Variants in PDGFD observed in about 807,000 individuals in gnomAD.
PDGFD encodes the protein platelet-derived growth factor D.
In PDGFD, 30 loss-of-function variants were observed where a neutral mutation model predicts 44.7. The observed-to-expected ratio is 0.67, with a 90% CI of 0.50 to 0.91. The LOEUF (loss-of-function observed/expected upper bound fraction) is 0.91, where lower values mean the gene tolerates loss of function less well. Among genes scored for constraint, PDGFD ranks in the 40% least tolerant of loss-of-function variants. The pLI is 0.00. For missense variants in PDGFD, 445 were observed against 457.8 expected (o/e 0.97, Z 0.25); for synonymous variants, 173 against 168.4 (o/e 1.03, Z -0.21).
At chr11:104,148,946 T>C (rs888725229) in intron 1 of PDGFD, among the ~76,000 whole-genome samples, 3 of 152,194 alleles carry the variant, frequency 2.0e-5, no homozygotes, top group Non-Finnish European at 4.4e-5. Flanking sequence ...CTCCATAGCA[T>C]TCCATGGTGT....
intron 1 of PDGFD, among the ~76,000 whole-genome samples, chr11:104,070,646 A>T (rs546461563): frequency 1.3e-5 from 2 of 152,160 alleles, no homozygotes; most frequent in Non-Finnish European, 2.9e-5. Flanking sequence ...AATATGACAG[A>T]TACTCTTTTG....
At chr11:104,012,581 T>C (rs1859799754) in intron 1 of PDGFD, among the ~76,000 whole-genome samples, 1 of 152,222 alleles carries the variant, frequency 6.6e-6, no homozygotes, top group Non-Finnish European at 1.5e-5. Context: ...CTAACAAATC[T>C]CTTCAAATAT....
chr11:104,112,284 T>C (rs73614574), intron 1 of PDGFD, among the ~76,000 whole-genome samples: 2,712 of 152,252 alleles, frequency 0.018, 63 homozygotes, highest in African/African-American at 0.061. Flanking sequence ...TAATGATCAG[T>C]AATGTTGAGC....
At chr11:104,057,446 C>A (rs1433906845) in intron 1 of PDGFD, among the ~76,000 whole-genome samples, 2 of 151,814 alleles carry the variant, frequency 1.3e-5, no homozygotes, top group Non-Finnish European at 2.9e-5. Flanking sequence ...ATACCACATG[C>A]CCTCACTTAG....
At chr11:104,068,934 C>G (rs976167078) in intron 1 of PDGFD, among the ~76,000 whole-genome samples, 1 of 152,068 alleles carries the variant, frequency 6.6e-6, no homozygotes, top group Non-Finnish European at 1.5e-5. Flanking sequence ...TTTCTAAAAG[C>G]AAGCAATTCT....
intron 1 of PDGFD, among the ~76,000 whole-genome samples, chr11:104,043,289 C>T (rs1046434624): frequency 1.3e-5 from 2 of 152,152 alleles, no homozygotes; most frequent in Admixed American, 6.5e-5. Context: ...GATTTCTTCA[C>T]GCAGCCACCA....
intron 1 of PDGFD, among the ~76,000 whole-genome samples, chr11:104,039,600 A>G (rs2134398046): frequency 6.6e-6 from 1 of 152,220 alleles, no homozygotes; most frequent in African/African-American, 2.4e-5. Flanking sequence ...AAAGTTTTAT[A>G]CCCAGTAGAA....
chr11:104,049,253 A>G (rs1860488744), intron 1 of PDGFD, among the ~76,000 whole-genome samples: 1 of 152,186 alleles, frequency 6.6e-6, no homozygotes, highest in Non-Finnish European at 1.5e-5. Context: ...TCTGTGAGGA[A>G]GAGATATTTG....
chr11:104,070,307 A>G (rs2134420595), intron 1 of PDGFD, among the ~76,000 whole-genome samples: 1 of 152,292 alleles, frequency 6.6e-6, no homozygotes, highest in East Asian at 1.9e-4. Flanking sequence ...CTAGCTATCT[A>G]TATTTCAACG....
At position 104,103,903 on chromosome 11, in the gene PDGFD, G is replaced by T. The variant is rs369245256; in HGVS notation, c.124+59901C>A. On this transcript the variant is annotated intron_variant, in intron 1 of 6. Coordinates refer to ENST00000393158, the MANE Select transcript of PDGFD (RefSeq NM_025208.5). Reference sequence around the variant, plus strand: ...TCCTTCTACTTATATTTTTTTTAAAGTTAACTGTAAAACAGCCTTAGGCAG... The same window carrying T: ...TCCTTCTACTTATATTTTTTTTAAATTTAACTGTAAAACAGCCTTAGGCAG... Among the ~76,000 whole-genome samples, 90 of 151,780 alleles carry T rather than the reference G, an allele frequency of 5.9e-4. 1 individual carries two copies. The South Asian group carries it at 0.013, about 22-fold the overall frequency.
At chr11:104,085,166 T>A (rs904037377) in intron 1 of PDGFD, among the ~76,000 whole-genome samples, 1 of 151,862 alleles carries the variant, frequency 6.6e-6, no homozygotes, top group Non-Finnish European at 1.5e-5. Flanking sequence ...CCCATCACCA[T>A]TGTTACAGCA....
At chr11:104,005,137 C>T (rs1202297856) in intron 1 of PDGFD, among the ~76,000 whole-genome samples, 1 of 152,126 alleles carries the variant, frequency 6.6e-6, no homozygotes, top group African/African-American at 2.4e-5. Context: ...CCTTGGCCTC[C>T]TAAAGTGCTG....
In PDGFD at chr11:104,158,588, T is replaced by G. The variant is rs143655882; in HGVS notation, c.124+5216A>C. ...TGGCTTACGCCTGTAATCCCAGCAC[T>G]TTGGGAGACCGAGGCCAGCGGATCA... On this transcript the variant is annotated intron_variant, in intron 1 of 6. Coordinates refer to ENST00000393158, the MANE Select transcript of PDGFD (RefSeq NM_025208.5). Among the ~76,000 whole-genome samples, 954 of 152,306 alleles carry G rather than the reference T, an allele frequency of 6.3e-3. 13 individuals are homozygous for G. Among genetic ancestry groups the G allele is most frequent in the African/African-American group, 0.022 (908 of 41,562 alleles).
chr11:104,069,061 A>G (rs974885279), intron 1 of PDGFD, among the ~76,000 whole-genome samples: 3 of 152,200 alleles, frequency 2.0e-5, no homozygotes, highest in African/African-American at 4.8e-5. Context: ...AGTTTTCCCA[A>G]TAATGTCTAT....
chr11:103,969,487 T>G lies in PDGFD; in HGVS notation c.511-21763A>C, dbSNP rs527682733. On this transcript the variant is annotated intron_variant, in intron 3 of 6. Coordinates refer to ENST00000393158, the MANE Select transcript of PDGFD (RefSeq NM_025208.5). ...ACACCAAGCCTGGTTTTTTTTTTTT[T>G]TTTTTTTTTTTCCTGGAAGTGGTTG... 1.3e-3 allele frequency among the ~76,000 whole-genome samples: 194 copies of G among 148,636 alleles called. 1 individual carries two copies. The highest frequency in any genetic ancestry group is 4.4e-3 in the African/African-American group (180 of 40,536).
chr11:104,078,352 A>G (rs1031337301), intron 1 of PDGFD, among the ~76,000 whole-genome samples: 2 of 151,974 alleles, frequency 1.3e-5, no homozygotes, highest in Non-Finnish European at 2.9e-5. Context: ...CTCTATATAC[A>G]CCCATCAACA....
intron 1 of PDGFD, among the ~76,000 whole-genome samples, chr11:104,083,952 A>T (rs558703468): frequency 6.6e-6 from 1 of 152,194 alleles, no homozygotes; most frequent in Admixed American, 6.5e-5. Context: ...TTAAAATCCC[A>T]TGTACAGGTT....
intron 5 of PDGFD, among the ~76,000 whole-genome samples, chr11:103,932,671 C>T (rs568128101): frequency 6.6e-5 from 10 of 152,294 alleles, no homozygotes; most frequent in Non-Finnish European, 1.3e-4. Flanking sequence ...CGATTAGGAG[C>T]AAGGTGCTGC....
At chr11:103,920,855 T>A (rs74414942) in intron 6 of PDGFD, among the ~76,000 whole-genome samples, 1,577 of 152,332 alleles carry the variant, frequency 0.01, 59 homozygotes, top group Admixed American at 0.066. Flanking sequence ...TCTTTTTGCA[T>A]TTACCTAGCA....
Sources: allele counts gnomAD v4.1 joint callset (sites outside exome capture counted in the v4.1 genomes callset), GRCh38; gene constraint gnomAD v4.1.1; transcripts MANE v1.5; gene names NCBI Gene and HGNC (gene_info 2026-07-23, HGNC 2026-07-21).